Variants in TSPAN9 observed in about 807,000 individuals in gnomAD.
The protein encoded by TSPAN9 is tetraspanin-9.
TSPAN9 carries 16 observed loss-of-function variants against 31.0 expected under a neutral mutation model. That is an observed-to-expected ratio of 0.52 (90% CI 0.35 to 0.78). The LOEUF is 0.78. Ranked by LOEUF, TSPAN9 falls within the 30% of genes least tolerant of loss-of-function variation. TSPAN9 has a pLI of 0.01. For synonymous variants in TSPAN9, 145 were observed against 121.6 expected (o/e 1.19, Z -1.27); for missense variants, 272 against 312.5 (o/e 0.87, Z 0.98).
intron 2 of TSPAN9, among the ~76,000 whole-genome samples, chr12:3,121,066 A>G (rs1000374039): frequency 1.5e-4 from 23 of 152,204 alleles, no homozygotes; most frequent in African/African-American, 5.5e-4. Context: ...TTGTGGAATG[A>G]GAAGGTTGGG....
At chr12:3,136,516 C>A (rs535705398) in intron 2 of TSPAN9, among the ~76,000 whole-genome samples, 4 of 152,290 alleles carry the variant, frequency 2.6e-5, no homozygotes, top group African/African-American at 7.2e-5. Flanking sequence ...ATGCCTCCAG[C>A]ATTGCAAAGA....
intron 2 of TSPAN9, among the ~76,000 whole-genome samples, chr12:3,138,748 C>T (rs982072938): frequency 5.9e-5 from 9 of 152,130 alleles, no homozygotes; most frequent in Non-Finnish European, 2.9e-5. Flanking sequence ...CCCACCTTAG[C>T]CTCCCAAAGT....
At chr12:3,154,008 ATATGTGTGTG>A (rs764943621) in intron 2 of TSPAN9, among the ~76,000 whole-genome samples, 18 of 56,234 alleles carry the variant, frequency 3.2e-4, no homozygotes, top group Non-Finnish European at 6.0e-4. Flanking sequence ...TATTATATAT[ATATGTGTGTG>A]TGTGTGTGTG....
intron 2 of TSPAN9, among the ~76,000 whole-genome samples, chr12:3,199,028 C>T (rs1208587853): frequency 1.3e-5 from 2 of 152,186 alleles, no homozygotes; most frequent in Admixed American, 6.5e-5. Flanking sequence ...TGATTAATGC[C>T]CTCCTGTCTT....
At chr12:3,127,561 T>C (rs2098327925) in intron 2 of TSPAN9, among the ~76,000 whole-genome samples, 1 of 152,048 alleles carries the variant, frequency 6.6e-6, no homozygotes, top group South Asian at 2.1e-4. Flanking sequence ...TTCACCGTGT[T>C]AGCCAGGGTG....
intron 3 of TSPAN9, among the ~76,000 whole-genome samples, chr12:3,231,225 G>A (rs1442376520): frequency 6.6e-6 from 1 of 152,196 alleles, no homozygotes; most frequent in Non-Finnish European, 1.5e-5. Context: ...AGAGGCAGGG[G>A]AGAATGAAGG....
At chr12:3,158,118 A>C (rs1357026644) in intron 2 of TSPAN9, among the ~76,000 whole-genome samples, 1 of 152,102 alleles carries the variant, frequency 6.6e-6, no homozygotes, top group African/African-American at 2.4e-5. Flanking sequence ...TTCCTCGACC[A>C]AGTCTAATTG....
chr12:3,118,104 G>C (rs372157067), intron 2 of TSPAN9, among the ~76,000 whole-genome samples: 1 of 151,990 alleles, frequency 6.6e-6, no homozygotes, highest in East Asian at 1.9e-4. Context: ...GATTATAAAG[G>C]CTCTAGTTCA....
intron 2 of TSPAN9, among the ~76,000 whole-genome samples, chr12:3,122,584 G>A (rs2098325663): frequency 6.6e-6 from 1 of 151,918 alleles, no homozygotes. Context: ...ATCCTAGCAG[G>A]GATTTTGAAT....
chr12:3,091,274 G>A (rs1266845100), intron 2 of TSPAN9, among the ~76,000 whole-genome samples: 1 of 152,246 alleles, frequency 6.6e-6, no homozygotes, highest in East Asian at 1.9e-4. Flanking sequence ...GAGGGCCCAG[G>A]CCTATGTGAT....
intron 2 of TSPAN9, among the ~76,000 whole-genome samples, chr12:3,148,181 T>C (rs1382699971): frequency 2.0e-5 from 3 of 151,998 alleles, no homozygotes; most frequent in Admixed American, 6.6e-5. Context: ...GAGGCACTAG[T>C]GTGTAGCCTG....
intron 2 of TSPAN9, among the ~76,000 whole-genome samples, chr12:3,154,617 G>T (rs943323472): frequency 6.6e-6 from 1 of 152,058 alleles, no homozygotes; most frequent in South Asian, 2.1e-4. Context: ...TTTCCTCAGC[G>T]TCCTGCTTTC....
At chr12:3,141,850 C>T (rs1466744303) in intron 2 of TSPAN9, among the ~76,000 whole-genome samples, 1 of 152,156 alleles carries the variant, frequency 6.6e-6, no homozygotes, top group Non-Finnish European at 1.5e-5. Context: ...CAGGAATAGC[C>T]CCACATCAGA....
At chr12:3,214,572 C>T (rs940461301) in intron 3 of TSPAN9, among the ~76,000 whole-genome samples, 2 of 152,070 alleles carry the variant, frequency 1.3e-5, no homozygotes, top group Non-Finnish European at 2.9e-5. Context: ...CCTGTTAGCC[C>T]ATTTCCCACT....
At chr12:3,254,681 A>G (rs1420784366) in intron 3 of TSPAN9, among the ~76,000 whole-genome samples, 1 of 152,204 alleles carries the variant, frequency 6.6e-6, no homozygotes, top group African/African-American at 2.4e-5. Flanking sequence ...GTGACCTTGA[A>G]GGGCATACTC....
rs556426858 is a variant in TSPAN9, at chr12:3,259,346, A to C, written c.64-19075A>C. Among the ~76,000 whole-genome samples, 13 of 152,322 alleles carry C rather than the reference A, an allele frequency of 8.5e-5. No individual in the cohort carries two copies. In the East Asian group the frequency reaches 2.5e-3, roughly 29 times the overall value. ...CTGGTGATGCTCTAGAACTTTATTC[A>C]TCATATACTAAATGGTACTTTAGAG... On this transcript the variant is annotated intron_variant, in intron 3 of 8. Transcript: ENST00000011898.
At chr12:3,082,368 TTGG>T (rs1430153415) in intron 1 of TSPAN9, among the ~76,000 whole-genome samples, 1 of 151,974 alleles carries the variant, frequency 6.6e-6, no homozygotes, top group Non-Finnish European at 1.5e-5. Context: ...GGAGGAGAGG[TTGG>T]GCAGGTAGAC....
At chr12:3,215,848 C>T (rs560716851) in intron 3 of TSPAN9, among the ~76,000 whole-genome samples, 6 of 151,876 alleles carry the variant, frequency 4.0e-5, no homozygotes, top group East Asian at 1.9e-4. Flanking sequence ...GGGACCTCTC[C>T]GTCTGGAGCC....
At chr12:3,273,316 G>A (rs186954232) in intron 3 of TSPAN9, 28 of 152,360 alleles carry the variant, frequency 1.8e-4, no homozygotes, top group African/African-American at 6.5e-4. Context: ...AAGTTATTTT[G>A]AAATGCCTTC....
Sources: allele counts gnomAD v4.1 joint callset (sites outside exome capture counted in the v4.1 genomes callset), GRCh38; gene constraint gnomAD v4.1.1; transcripts MANE v1.5; gene names NCBI Gene and HGNC (gene_info 2026-07-23, HGNC 2026-07-21).